The following KCNK10 variants were observed in gnomAD, a reference collection of about 807,000 sequenced individuals.
The protein encoded by KCNK10 is potassium two pore domain channel subfamily K member 10.
In KCNK10, 25 loss-of-function variants were observed where a neutral mutation model predicts 47.7. The ratio of observed to expected loss-of-function variants is 0.52; its 90% CI spans 0.38 to 0.73. The LOEUF (loss-of-function observed/expected upper bound fraction) is 0.73, where lower values mean the gene tolerates loss of function less well. Ranked by LOEUF, KCNK10 falls within the 30% of genes least tolerant of loss-of-function variation. The pLI is 0.00. For missense variants in KCNK10, 563 were observed against 714.5 expected (o/e 0.79, Z 2.42); for synonymous variants, 303 against 285.6 (o/e 1.06, Z -0.61).
At chr14:88,253,405 G>T (rs1223057406) in intron 2 of KCNK10, among the ~76,000 whole-genome samples, 1 of 152,162 alleles carries the variant, frequency 6.6e-6, no homozygotes, top group Middle Eastern at 3.2e-3. Context: ...ATAAATGTTT[G>T]AGATGATGAA....
intron 5 of KCNK10, among the ~76,000 whole-genome samples, chr14:88,190,953 C>T (rs181640376): frequency 6.6e-6 from 1 of 152,230 alleles, no homozygotes; most frequent in Admixed American, 6.5e-5. Context: ...ACACGCCAAA[C>T]AAGAACAGTC....
chr14:88,263,672 G>C (rs550005677), intron 1 of KCNK10, 121 bp from the exon 2 acceptor site: 7 of 879,868 alleles, frequency 8.0e-6, no homozygotes, highest in Admixed American at 2.8e-5. Context: ...AGGATGAAAC[G>C]CTGGTTCACC....
At chr14:88,263,090 C>A in intron 2 of KCNK10, 112 bp downstream of exon 2, 1 of 847,342 alleles carries the variant, frequency 1.2e-6, no homozygotes, top group East Asian at 2.7e-5. Context: ...GAGAACTTCC[C>A]TGACCACCAA....
intron 1 of KCNK10, among the ~76,000 whole-genome samples, chr14:88,314,731 G>A (rs1342553867): frequency 6.6e-6 from 1 of 152,156 alleles, no homozygotes; most frequent in Non-Finnish European, 1.5e-5. Flanking sequence ...GACTTCACAG[G>A]CTGCCTCCTG....
chr14:88,326,382 C>G, upstream of KCNK10: 1 of 1,596,338 alleles, frequency 6.3e-7, no homozygotes, highest in East Asian at 2.2e-5. Context: ...CCCTTCGGTT[C>G]TACCCTTTGG....
chr14:88,310,431 G>C (rs569329315), intron 1 of KCNK10, among the ~76,000 whole-genome samples: 1 of 151,912 alleles, frequency 6.6e-6, no homozygotes, highest in African/African-American at 2.4e-5. Flanking sequence ...AGTGACAACA[G>C]CCAATGAATA....
intron 6 of KCNK10, among the ~76,000 whole-genome samples, chr14:88,187,626 C>CAG (rs11435414): frequency 7.1e-6 from 1 of 141,038 alleles, no homozygotes. Flanking sequence ...ACAGGCTGCA[C>CAG]CCCCCCACAC....
chr14:88,270,288 C>T (rs1887372048), intron 1 of KCNK10, among the ~76,000 whole-genome samples: 1 of 152,174 alleles, frequency 6.6e-6, no homozygotes, highest in Admixed American at 6.5e-5. Flanking sequence ...CAGGATTCCA[C>T]CTCGGGTGCT....
At chr14:88,229,866 C>T (rs920350175) in intron 3 of KCNK10, among the ~76,000 whole-genome samples, 10 of 152,120 alleles carry the variant, frequency 6.6e-5, no homozygotes, top group South Asian at 2.1e-4. Flanking sequence ...AGTTACACCC[C>T]GCCTCTCTGA....
intron 3 of KCNK10, among the ~76,000 whole-genome samples, chr14:88,228,897 A>G (rs1358067737): frequency 2.0e-5 from 3 of 152,214 alleles, no homozygotes; most frequent in African/African-American, 2.4e-5. Flanking sequence ...AAAAGCTCTC[A>G]GAACTTTTTT....
At chr14:88,311,672 T>C (rs576609919) in intron 1 of KCNK10, among the ~76,000 whole-genome samples, 2 of 152,190 alleles carry the variant, frequency 1.3e-5, no homozygotes, top group South Asian at 4.2e-4. Flanking sequence ...ATTTTCACAG[T>C]AAAAATGGAA....
intron 1 of KCNK10, among the ~76,000 whole-genome samples, chr14:88,312,653 G>A (rs986889177): frequency 2.6e-5 from 4 of 152,164 alleles, no homozygotes; most frequent in Non-Finnish European, 5.9e-5. Flanking sequence ...AAGAGAAGTG[G>A]GACCATGAGT....
chr14:88,226,928 C>G (rs1886005520), intron 4 of KCNK10, among the ~76,000 whole-genome samples: 1 of 152,174 alleles, frequency 6.6e-6, no homozygotes, highest in Non-Finnish European at 1.5e-5. Context: ...AGAGCAGTGT[C>G]TGGAGAAGTC....
At chr14:88,310,348 T>C (rs941901222) in intron 1 of KCNK10, among the ~76,000 whole-genome samples, 4 of 151,766 alleles carry the variant, frequency 2.6e-5, no homozygotes, top group African/African-American at 9.7e-5. Flanking sequence ...TTTTCATCTT[T>C]CTGTGTCCAA....
chr14:88,309,566 C>T (rs1888269336), intron 1 of KCNK10, among the ~76,000 whole-genome samples: 1 of 152,200 alleles, frequency 6.6e-6, no homozygotes, highest in African/African-American at 2.4e-5. Context: ...TGCACCGCTG[C>T]ACTCCAGCTC....
intron 4 of KCNK10, among the ~76,000 whole-genome samples, chr14:88,215,643 C>T (rs1459841327): frequency 6.6e-6 from 1 of 152,080 alleles, no homozygotes; most frequent in East Asian, 1.9e-4. Flanking sequence ...AGGCTCCCTA[C>T]AAAGGTTCTG....
In KCNK10 at chr14:88,323,225, C is replaced by T. The variant is rs1240211769; in HGVS notation, c.-427G>A. The stretch of plus-strand genomic sequence containing the variant: ...GCCCCCGAAGGCGTGTGCGCACACA[C>T]TCCCGCACACACACACCCGCACACA... On this transcript the variant is annotated 5_prime_UTR_variant, in exon 1 of 7. It adds an upstream start codon to the 5' untranslated region. Transcript: ENST00000319231. 9 of 1,017,146 alleles carry T rather than the reference C, an allele frequency of 8.8e-6. No homozygotes were observed. In the East Asian group the frequency reaches 7.5e-4, roughly 85 times the overall value. The allele number at this position is 1,017,146 out of a possible 1,614,324, so 63.0% of individuals were successfully genotyped here.
intron 1 of KCNK10, among the ~76,000 whole-genome samples, chr14:88,285,355 G>A (rs183989074): frequency 3.3e-5 from 5 of 152,160 alleles, no homozygotes; most frequent in Admixed American, 6.5e-5. Flanking sequence ...CAAGTGATCC[G>A]CCCACCTCAG....
rs148146660 is a variant in KCNK10, at chr14:88,274,016, T to G, written c.53-10465A>C. 6.7e-3 allele frequency among the ~76,000 whole-genome samples: 1,013 copies of G among 152,020 alleles called. 14 individuals are homozygous for G. The highest frequency in any genetic ancestry group is 0.023 in the African/African-American group (971 of 41,468). The stretch of plus-strand genomic sequence containing the variant: ...GTGTCTTGTCAAAAGCAGTTATCTC[T>G]CCTCACTGGCTCCCGGAGGGGTCTC... On this transcript the variant is annotated intron_variant, in intron 1 of 6. Coordinates refer to ENST00000319231, the MANE Select transcript of KCNK10 (RefSeq NM_138317.3).
Sources: gnomAD v4.1 joint callset for allele counts (sites outside exome capture counted in the v4.1 genomes callset) on GRCh38, gnomAD v4.1.1 for gene constraint, MANE v1.5 for transcripts, NCBI Gene and HGNC (gene_info 2026-07-23, HGNC 2026-07-21) for gene names.